Variants in NUDCD3 observed in about 807,000 individuals in gnomAD.
The protein encoded by NUDCD3 is NudC domain containing 3.
NUDCD3 carries 13 observed loss-of-function variants against 39.7 expected under a neutral mutation model. The ratio of observed to expected loss-of-function variants is 0.33; its 90% confidence interval spans 0.21 to 0.52. The LOEUF is 0.52. Among genes scored for constraint, NUDCD3 ranks in the 20% least tolerant of loss-of-function variants. The probability of loss-of-function intolerance (pLI) is 0.96; values close to 1 mark genes in which losing one functional copy is unlikely to be tolerated. For missense variants in NUDCD3, 453 were observed against 458.1 expected, an observed-to-expected ratio of 0.99 and a Z score of 0.10; for synonymous variants, 175 against 172.4, an observed-to-expected ratio of 1.02 and a Z score of -0.12.
At chr7:44,462,064 C>T (rs1186571992) in intron 2 of NUDCD3, among the ~76,000 whole-genome samples, 1 of 152,172 alleles carries the variant, frequency 6.6e-6, no homozygotes, top group Admixed American at 6.5e-5. Flanking sequence ...AGGCAGTCCA[C>T]AAATATAGCA....
chr7:44,457,518 T>G, intron 2 of NUDCD3, among the ~76,000 whole-genome samples: 1 of 152,144 alleles, frequency 6.6e-6, no homozygotes, highest in East Asian at 1.9e-4. Flanking sequence ...AAACTAGCAA[T>G]GAACAATCTG....
At chr7:44,398,155 G>T (rs1415665668) in intron 4 of NUDCD3, among the ~76,000 whole-genome samples, 1 of 152,090 alleles carries the variant, frequency 6.6e-6, no homozygotes, top group African/African-American at 2.4e-5. Flanking sequence ...AGCATCTGCC[G>T]GTCCCATCTG....
rs1798652533 is a variant in NUDCD3 at position 44,397,924 on chromosome 7, C to T, written c.787-5439G>A. 2.0e-5 allele frequency among the ~76,000 whole-genome samples: 3 copies of T among 152,086 alleles called. No homozygotes were observed. The South Asian group carries it at 6.2e-4, about 32-fold the overall frequency. On this transcript the variant is annotated intron_variant, in intron 4 of 5. Transcript: ENST00000355451. ...CTTTAATCTAGGACATTTCCACAGCCTTTTTCCTCCCCTGACATCTCCTGA... is the reference window on the plus strand; with the variant it reads ...CTTTAATCTAGGACATTTCCACAGCTTTTTTCCTCCCCTGACATCTCCTGA...
chr7:44,398,092 T>C lies in NUDCD3; in HGVS notation c.787-5607A>G, dbSNP rs543908768. Among the ~76,000 whole-genome samples, 161 of 152,260 alleles carry C rather than the reference T, an allele frequency of 1.1e-3. 1 individual carries two copies. In the Middle Eastern group the frequency reaches 0.017, roughly 16 times the overall value. On this transcript the variant is annotated intron_variant, in intron 4 of 5. Coordinates refer to ENST00000355451, the MANE Select transcript of NUDCD3 (RefSeq NM_015332.4). ...GACTTCTCCACTGTAGTTATTGACT[T>C]GCAAACTCTCCTCTCCAGAACCCCT... is the stretch of plus-strand genomic sequence containing the variant.
intron 2 of NUDCD3, among the ~76,000 whole-genome samples, chr7:44,430,821 G>A (rs1799350477): frequency 6.6e-6 from 1 of 152,224 alleles, no homozygotes. Context: ...GCAAAAGGCT[G>A]TCAGTCTCTG....
At chr7:44,476,540 C>T (rs559904993) in intron 2 of NUDCD3, among the ~76,000 whole-genome samples, 1 of 152,310 alleles carries the variant, frequency 6.6e-6, no homozygotes, top group South Asian at 2.1e-4. Context: ...GCCCTCACCA[C>T]TGAACCTGCT....
chr7:44,456,283 C>T (rs1485006678), intron 2 of NUDCD3, among the ~76,000 whole-genome samples: 3 of 151,044 alleles, frequency 2.0e-5, no homozygotes, highest in African/African-American at 4.9e-5. Context: ...AACTGAAGAA[C>T]TAGAGAACAA....
intron 2 of NUDCD3, among the ~76,000 whole-genome samples, chr7:44,461,642 G>C (rs1800018519): frequency 1.3e-5 from 2 of 152,162 alleles, no homozygotes; most frequent in Admixed American, 6.5e-5. Context: ...GCACCAAAGA[G>C]AGAGAGAAAG....
intron 2 of NUDCD3, among the ~76,000 whole-genome samples, chr7:44,480,739 C>T (rs949388205): frequency 2.0e-5 from 3 of 151,794 alleles, no homozygotes; most frequent in South Asian, 2.1e-4. Flanking sequence ...CTCACCAGTT[C>T]GACACCAGCC....
chr7:44,449,555 C>G (rs1014251201), intron 2 of NUDCD3, among the ~76,000 whole-genome samples: 2 of 152,076 alleles, frequency 1.3e-5, no homozygotes, highest in African/African-American at 4.8e-5. Flanking sequence ...TTATTGGATA[C>G]AGGAGGCTTA....
intron 1 of NUDCD3, among the ~76,000 whole-genome samples, chr7:44,487,832 T>A (rs1180819657): frequency 6.6e-6 from 1 of 151,966 alleles, no homozygotes; most frequent in African/African-American, 2.4e-5. Context: ...TACATGCCTG[T>A]AAACCCAGCT....
At position 44,480,941 on chromosome 7, in the gene NUDCD3, CAAAAAAAAAAAAA is replaced by C. The variant is rs1164765600; in HGVS notation, c.509+4014_509+4026del. On this transcript the variant is annotated intron_variant, in intron 2 of 5. Transcript: ENST00000355451. ...TGGGCAACAGAGCAAGACCCAGTAT[CAAAAAAAAAAAAA>C]AAAAAAAAAAAAATCCAAAAATTTG... 4.6e-4 allele frequency among the ~76,000 whole-genome samples: 16 copies of C among 34,882 alleles called. No homozygotes were observed. In the South Asian group the frequency reaches 6.3e-3, roughly 14 times the overall value. The allele number at this position is 34,882 out of a possible 152,430, so 22.9% of individuals were successfully genotyped here. A position where few individuals can be genotyped will look rare whatever the true frequency, so the allele number is the denominator to read the frequency against.
At chr7:44,453,711 G>C (rs1184757794) in intron 2 of NUDCD3, among the ~76,000 whole-genome samples, 2 of 152,184 alleles carry the variant, frequency 1.3e-5, no homozygotes, top group Non-Finnish European at 2.9e-5. Flanking sequence ...AACGTCACAA[G>C]CCAAAATGCT....
At chr7:44,426,013 G>A (rs1284913099) in intron 3 of NUDCD3, 9 of 440,790 alleles carry the variant, frequency 2.0e-5, no homozygotes, top group Non-Finnish European at 2.4e-5. Context: ...GTTAGCATGC[G>A]GTACTTATAG....
intron 4 of NUDCD3, among the ~76,000 whole-genome samples, chr7:44,399,420 G>A (rs1474362645): frequency 6.6e-6 from 1 of 152,192 alleles, no homozygotes; most frequent in Non-Finnish European, 1.5e-5. Flanking sequence ...AAATGCTAAG[G>A]TAATTTAATC....
chr7:44,466,399 T>C lies in NUDCD3; in HGVS notation c.509+18569A>G, dbSNP rs1800119552. Among the ~76,000 whole-genome samples, 3 of 152,286 alleles carry C rather than the reference T, an allele frequency of 2.0e-5. No homozygotes were observed. In the South Asian group the frequency reaches 6.2e-4, roughly 32 times the overall value. ...CAGGGAGGTATGTACATGGGGTTTA[T>C]TGCTTGTTTTCCTTGGAGAGAGAAA... On this transcript the variant is annotated intron_variant, in intron 2 of 5. Coordinates refer to ENST00000355451, the MANE Select transcript of NUDCD3 (RefSeq NM_015332.4).
chr7:44,384,171 G>A lies in NUDCD3; in HGVS notation c.*1840C>T, dbSNP rs1244990952. ...ACTTCTGGAAGACTACCCACAGGGT[G>A]GGGGCTGCAATGGGGGCCAACTCGG... On this transcript the variant is annotated 3_prime_UTR_variant, in exon 6 of 6. Transcript: ENST00000355451. The A allele has an allele frequency of 6.6e-6, 1 of 152,276 alleles. No individual in the cohort carries two copies. Among genetic ancestry groups the A allele is most frequent in the African/African-American group, 2.4e-5 (1 of 41,454 alleles). The allele number at this position is 152,276 out of a possible 1,614,324, so 9.4% of individuals were successfully genotyped here. A position where few individuals can be genotyped will look rare whatever the true frequency, so the allele number is the denominator to read the frequency against.
intron 2 of NUDCD3, chr7:44,484,299 C>T (rs940737182): frequency 1.3e-5 from 2 of 152,240 alleles, no homozygotes; most frequent in Non-Finnish European, 2.9e-5. Context: ...ACCCACAAAA[C>T]ATAACTCCTA....
rs949679293 is a variant in NUDCD3, at chr7:44,470,915, G to C, written c.509+14053C>G. ...AACATACACAAATGTGAAAATATGA[G>C]AAAAACTAAATGTTACTGAAGAGTG... On this transcript the variant is annotated intron_variant, in intron 2 of 5. Coordinates refer to ENST00000355451, the MANE Select transcript of NUDCD3 (RefSeq NM_015332.4). Among the ~76,000 whole-genome samples, 9 of 152,210 alleles carry C rather than the reference G, an allele frequency of 5.9e-5. No homozygotes were observed. In the South Asian group the frequency reaches 1.9e-3, roughly 31 times the overall value.
Sources: gnomAD v4.1 joint callset for allele counts (sites outside exome capture counted in the v4.1 genomes callset) on GRCh38, gnomAD v4.1.1 for gene constraint, MANE v1.5 for transcripts, NCBI Gene and HGNC (gene_info 2026-07-23, HGNC 2026-07-21) for gene names.